TENM3: variants seen among roughly 807,000 people sequenced by gnomAD.
TENM3 encodes teneurin-3.
TENM3 carries 63 observed loss-of-function variants against 255.1 expected under a neutral mutation model. The observed-to-expected ratio is 0.25, with a 90% CI of 0.20 to 0.30. The LOEUF is 0.30. Ranked by LOEUF, TENM3 falls within the 10% of genes least tolerant of loss-of-function variation. The probability of loss-of-function intolerance (pLI) is 1.00; values close to 1 mark genes in which losing one functional copy is unlikely to be tolerated. For synonymous variants in TENM3, 1,306 were observed against 1,322.3 expected (o/e 0.99, Z 0.27); for missense variants, 2,929 against 3,461.1 (o/e 0.85, Z 3.86).
At chr4:182,382,462 C>T (rs1767638581) in intron 3 of TENM3, among the ~76,000 whole-genome samples, 1 of 152,152 alleles carries the variant, frequency 6.6e-6, no homozygotes, top group South Asian at 2.1e-4. Context: ...CAACCTCTCC[C>T]CGCCTCTCTC....
chr4:181,500,090 G>A, the TENM3 span, among the ~76,000 whole-genome samples: 1 of 152,082 alleles, frequency 6.6e-6, no homozygotes, highest in Non-Finnish European at 1.5e-5. Context: ...GTGCAGTGGT[G>A]TGATCTCGGC....
In TENM3 at chr4:182,795,643, G is replaced by A. The variant is rs2871331; in HGVS notation, c.7214-994G>A. Among the ~76,000 whole-genome samples, 1,511 of 152,344 alleles carry A rather than the reference G, an allele frequency of 9.9e-3. 27 individuals carry two copies. Among genetic ancestry groups the A allele is most frequent in the Admixed American group, 0.043 (660 of 15,308 alleles). On this transcript the variant is annotated intron_variant, in intron 26 of 27. Coordinates refer to ENST00000511685, the MANE Select transcript of TENM3 (RefSeq NM_001080477.4). ...TGGCTCTCCATCATTCTGACAGGCA[G>A]TTTACCACTGGTTATTTAAGGGGTG...
At chr4:181,589,530 G>A in the TENM3 span, among the ~76,000 whole-genome samples, 1 of 152,110 alleles carries the variant, frequency 6.6e-6, no homozygotes, top group South Asian at 2.1e-4. Context: ...AATGTAAAAA[G>A]GAAGGAAAGA....
At chr4:182,424,351 T>C (rs1268561406) in intron 3 of TENM3, among the ~76,000 whole-genome samples, 1 of 152,186 alleles carries the variant, frequency 6.6e-6, no homozygotes, top group Non-Finnish European at 1.5e-5. Flanking sequence ...ATTTGCATTT[T>C]GATCTTTCCC....
chr4:182,180,357 T>G (rs1752764001), intron 1 of TENM3, among the ~76,000 whole-genome samples: 1 of 152,194 alleles, frequency 6.6e-6, no homozygotes, highest in African/African-American at 2.4e-5. Context: ...TTCCCCTAGT[T>G]AATATGATGT....
chr4:181,767,264 AAAAAAAAG>A, the TENM3 span, among the ~76,000 whole-genome samples: 1 of 150,778 alleles, frequency 6.6e-6, no homozygotes, highest in African/African-American at 2.4e-5. Context: ...AAAAAAAAAA[AAAAAAAAG>A]AAAGAAAACA....
the TENM3 span, among the ~76,000 whole-genome samples, chr4:181,595,446 A>AAAAAAACAG: frequency 2.1e-5 from 3 of 145,552 alleles, no homozygotes; most frequent in Admixed American, 7.2e-5. Context: ...AAAAAAAAAA[A>AAAAAAACAG]AAAAAAAACA....
At chr4:181,781,301 G>C in the TENM3 span, among the ~76,000 whole-genome samples, 2 of 152,120 alleles carry the variant, frequency 1.3e-5, no homozygotes, top group African/African-American at 4.8e-5. Context: ...ATTTCGTTGA[G>C]CAGTGGTTTG....
rs577619657 is a variant in TENM3, at chr4:182,311,936, C to T, written c.-75-12010C>T. Among the ~76,000 whole-genome samples, 4 of 152,290 alleles carry T rather than the reference C, an allele frequency of 2.6e-5. No homozygotes were observed. The East Asian group carries it at 7.7e-4, about 29-fold the overall frequency. On this transcript the variant is annotated intron_variant, in intron 1 of 27. Transcript: ENST00000511685. ...TCATCTAGAAAACTTGCTTTTCTCTCATTACGACTAAAGGTTTGAATTTGG... is the reference window on the plus strand; with the variant it reads ...TCATCTAGAAAACTTGCTTTTCTCTTATTACGACTAAAGGTTTGAATTTGG...
intron 1 of TENM3, among the ~76,000 whole-genome samples, chr4:182,237,388 C>T (rs865796302): frequency 7.7e-5 from 5 of 65,294 alleles, no homozygotes; most frequent in African/African-American, 2.1e-4. Flanking sequence ...TTTTTTGAAA[C>T]GGAGTCTCAC....
chr4:181,754,989 G>A, the TENM3 span, among the ~76,000 whole-genome samples: 1 of 152,058 alleles, frequency 6.6e-6, no homozygotes, highest in Non-Finnish European at 1.5e-5. Flanking sequence ...AGCTCTCAAG[G>A]GCAAACATGA....
the TENM3 span, among the ~76,000 whole-genome samples, chr4:181,536,327 A>T: frequency 6.6e-6 from 1 of 152,204 alleles, no homozygotes; most frequent in South Asian, 2.1e-4. Context: ...GTCAGGAATA[A>T]TTCAGATATC....
intron 3 of TENM3, among the ~76,000 whole-genome samples, chr4:182,549,728 T>C (rs1192502408): frequency 1.3e-5 from 2 of 152,196 alleles, no homozygotes; most frequent in South Asian, 2.1e-4. Flanking sequence ...TTTAGAAGAA[T>C]TGGCCTTTCT....
At chr4:182,086,548 A>G in the TENM3 span, among the ~76,000 whole-genome samples, 2 of 152,276 alleles carry the variant, frequency 1.3e-5, no homozygotes, top group South Asian at 4.1e-4. Flanking sequence ...AAATACATCC[A>G]TTTGTTTTCT....
At chr4:181,750,362 G>A in the TENM3 span, among the ~76,000 whole-genome samples, 2 of 152,136 alleles carry the variant, frequency 1.3e-5, no homozygotes, top group Non-Finnish European at 2.9e-5. Context: ...TTCATCTTCT[G>A]TGCTTAACAG....
the TENM3 span, among the ~76,000 whole-genome samples, chr4:181,866,644 G>A: frequency 1.3e-5 from 2 of 152,118 alleles, no homozygotes; most frequent in Non-Finnish European, 2.9e-5. Flanking sequence ...CGAATATCAG[G>A]CCAGCTCCAT....
intron 1 of TENM3, among the ~76,000 whole-genome samples, chr4:182,319,706 G>T (rs1024922694): frequency 1.3e-5 from 2 of 152,182 alleles, no homozygotes; most frequent in Non-Finnish European, 2.9e-5. Flanking sequence ...CCACAAAGTT[G>T]CATCTTTAAT....
chr4:181,466,130 T>C, the TENM3 span, among the ~76,000 whole-genome samples: 2 of 150,830 alleles, frequency 1.3e-5, no homozygotes, highest in African/African-American at 4.9e-5. Context: ...TTGTTTTGTT[T>C]TTTTGAGACG....
chr4:181,716,382 C>T, the TENM3 span, among the ~76,000 whole-genome samples: 1 of 152,124 alleles, frequency 6.6e-6, no homozygotes, highest in East Asian at 1.9e-4. Context: ...AGATATAGTA[C>T]ATTGCTGTTC....
Sources: allele counts gnomAD v4.1 joint callset (sites outside exome capture counted in the v4.1 genomes callset), GRCh38; gene constraint gnomAD v4.1.1; transcripts MANE v1.5; gene names NCBI Gene and HGNC (gene_info 2026-07-23, HGNC 2026-07-21).